The following MDGA2 variants were observed in gnomAD, a reference collection of about 807,000 sequenced individuals.
MDGA2 encodes MAM domain-containing glycosylphosphatidylinositol anchor protein 2.
Under a neutral mutation model 117.8 loss-of-function variants are expected in MDGA2, and 40 were observed. That is an observed-to-expected ratio of 0.34 (90% confidence interval 0.26 to 0.44). The LOEUF (loss-of-function observed/expected upper bound fraction) is 0.44. MDGA2 is among the 20% of genes least tolerant of loss of function. MDGA2 has a pLI of 1.00. For synonymous variants in MDGA2, 452 were observed against 439.0 expected (o/e 1.03, Z -0.37); for missense variants, 1,123 against 1,250.6 (o/e 0.90, Z 1.54).
intron 1 of MDGA2, among the ~76,000 whole-genome samples, chr14:47,583,231 T>C (rs184817508): frequency 2.4e-3 from 371 of 151,868 alleles, no homozygotes; most frequent in Non-Finnish European, 4.5e-3. Flanking sequence ...TAAGATAGAA[T>C]GACGTGAGGG....
At chr14:47,506,614 T>G (rs912275242) in intron 1 of MDGA2, among the ~76,000 whole-genome samples, 1 of 152,232 alleles carries the variant, frequency 6.6e-6, no homozygotes, top group Non-Finnish European at 1.5e-5. Context: ...TCCTGTGCTG[T>G]CCAGTATGGT....
chr14:47,231,537 T>G (rs1161087257), intron 2 of MDGA2, among the ~76,000 whole-genome samples: 1 of 152,066 alleles, frequency 6.6e-6, no homozygotes, highest in East Asian at 1.9e-4. Flanking sequence ...GCTGTAACTC[T>G]TGGTAAAGTG....
intron 8 of MDGA2, among the ~76,000 whole-genome samples, chr14:47,005,479 A>T (rs575103305): frequency 6.6e-6 from 1 of 151,766 alleles, no homozygotes; most frequent in Admixed American, 6.6e-5. Flanking sequence ...ATAATGTATT[A>T]TCATTTTTAT....
At chr14:47,230,191 GCT>G (rs1447921173) in intron 2 of MDGA2, among the ~76,000 whole-genome samples, 1 of 151,890 alleles carries the variant, frequency 6.6e-6, no homozygotes, top group Non-Finnish European at 1.5e-5. Context: ...GTTCCAGTGT[GCT>G]CTACTACAGT....
At chr14:47,099,678 T>A (rs527259380) in intron 5 of MDGA2, among the ~76,000 whole-genome samples, 1 of 152,012 alleles carries the variant, frequency 6.6e-6, no homozygotes, top group South Asian at 2.1e-4. Flanking sequence ...AATTCTAGAG[T>A]AAGGTACCTG....
intron 10 of MDGA2, among the ~76,000 whole-genome samples, chr14:46,888,455 T>C (rs1375914469): frequency 1.3e-5 from 2 of 151,878 alleles, no homozygotes; most frequent in East Asian, 1.9e-4. Context: ...CCCCAGGAGG[T>C]ATATTCCATT....
intron 6 of MDGA2, among the ~76,000 whole-genome samples, chr14:47,073,702 G>A (rs547574147): frequency 2.6e-5 from 4 of 152,284 alleles, no homozygotes; most frequent in African/African-American, 9.6e-5. Context: ...TGGTGCCTGA[G>A]AATTCGGGGA....
chr14:47,330,218 G>T (rs961344208), intron 1 of MDGA2, among the ~76,000 whole-genome samples: 1 of 151,716 alleles, frequency 6.6e-6, no homozygotes, highest in East Asian at 1.9e-4. Context: ...CAGGTATTTT[G>T]TATGTCAATT....
chr14:47,168,681 G>C (rs1172168659), intron 3 of MDGA2, among the ~76,000 whole-genome samples: 1 of 152,084 alleles, frequency 6.6e-6, no homozygotes, highest in Non-Finnish European at 1.5e-5. Context: ...TTTAGATTCT[G>C]ATAGAGCTAT....
At chr14:47,486,248 T>C (rs1026826034) in intron 1 of MDGA2, among the ~76,000 whole-genome samples, 3 of 152,208 alleles carry the variant, frequency 2.0e-5, no homozygotes, top group East Asian at 3.9e-4. Context: ...GGAGATCATT[T>C]TGCAACTTTA....
intron 1 of MDGA2, among the ~76,000 whole-genome samples, chr14:47,338,099 C>A (rs550857042): frequency 6.4e-4 from 97 of 151,956 alleles, no homozygotes; most frequent in African/African-American, 2.2e-3. Flanking sequence ...TTACTTTATT[C>A]TTTCTACTAA....
At chr14:46,872,784 G>A (rs1195296304) in intron 14 of MDGA2, among the ~76,000 whole-genome samples, 2 of 151,996 alleles carry the variant, frequency 1.3e-5, no homozygotes, top group East Asian at 3.9e-4. Flanking sequence ...AAGAATGGTA[G>A]ACCTGCATGA....
chr14:47,498,838 A>G (rs1374158945), intron 1 of MDGA2, among the ~76,000 whole-genome samples: 1 of 152,140 alleles, frequency 6.6e-6, no homozygotes, highest in Non-Finnish European at 1.5e-5. Context: ...TTTGGCATAT[A>G]TATATACCCT....
intron 8 of MDGA2, among the ~76,000 whole-genome samples, chr14:47,007,129 TAA>T (rs762696784): frequency 2.0e-5 from 3 of 151,822 alleles, no homozygotes; most frequent in East Asian, 3.9e-4. Flanking sequence ...TTGTATCATA[TAA>T]GAGTGATAAT....
At chr14:46,849,651 A>G (rs945734345) in intron 15 of MDGA2, among the ~76,000 whole-genome samples, 42 of 151,908 alleles carry the variant, frequency 2.8e-4, no homozygotes, top group African/African-American at 1.0e-3. Context: ...AGAAATTATA[A>G]GTGCATTAAA....
intron 1 of MDGA2, among the ~76,000 whole-genome samples, chr14:47,630,778 C>T (rs1326302346): frequency 6.6e-6 from 1 of 152,172 alleles, no homozygotes; most frequent in Non-Finnish European, 1.5e-5. Flanking sequence ...GTACATAGAA[C>T]AGCCAGATAT....
intron 1 of MDGA2, among the ~76,000 whole-genome samples, chr14:47,424,940 G>C (rs902038479): frequency 6.6e-6 from 1 of 152,168 alleles, no homozygotes; most frequent in Non-Finnish European, 1.5e-5. Flanking sequence ...TACGTTGCAG[G>C]AGAAGGCAAT....
chr14:47,480,537 T>G (rs1380490138), intron 1 of MDGA2, among the ~76,000 whole-genome samples: 1 of 152,000 alleles, frequency 6.6e-6, no homozygotes, highest in East Asian at 1.9e-4. Context: ...TAATTCCATA[T>G]TTTTTCCTAT....
intron 1 of MDGA2, among the ~76,000 whole-genome samples, chr14:47,386,423 T>C (rs1891761529): frequency 1.3e-5 from 2 of 152,186 alleles, no homozygotes; most frequent in Admixed American, 6.5e-5. Context: ...AACAAAGACA[T>C]AATCATCATC....
Sources: allele counts gnomAD v4.1 joint callset (sites outside exome capture counted in the v4.1 genomes callset), GRCh38; gene constraint gnomAD v4.1.1; transcripts MANE v1.5; gene names NCBI Gene and HGNC (gene_info 2026-07-23, HGNC 2026-07-21).